The following SAMSN1 variants were observed in gnomAD, a reference collection of about 807,000 sequenced individuals.
SAMSN1 encodes the protein SAM domain-containing protein SAMSN-1.
In SAMSN1, 31 loss-of-function variants were observed where a neutral mutation model predicts 42.0. The ratio of observed to expected loss-of-function variants is 0.74; its 90% CI spans 0.55 to 1.00. The LOEUF (loss-of-function observed/expected upper bound fraction) is 1.00, where lower values mean the gene tolerates loss of function less well. Ranked by LOEUF, SAMSN1 falls within the 50% of genes least tolerant of loss-of-function variation. The pLI is 0.00. For synonymous variants in SAMSN1, 178 were observed against 151.9 expected, an observed-to-expected ratio of 1.17 and a Z score of -1.26; for missense variants, 464 against 439.4, an observed-to-expected ratio of 1.06 and a Z score of -0.50.
intron 2 of SAMSN1, among the ~76,000 whole-genome samples, chr21:14,555,083 T>C (rs1180261220): frequency 6.6e-6 from 1 of 152,182 alleles, no homozygotes; most frequent in Non-Finnish European, 1.5e-5. Flanking sequence ...GATACTAACC[T>C]TTCCATGCCC....
At chr21:14,491,706 T>C (rs1300520313) in intron 7 of SAMSN1, among the ~76,000 whole-genome samples, 2 of 152,208 alleles carry the variant, frequency 1.3e-5, no homozygotes, top group African/African-American at 4.8e-5. Context: ...CCATGAAGCC[T>C]CCCTTGTCAC....
exon 6 of SAMSN1, chr21:14,602,071 G>T (rs1329882103): frequency 1.4e-6 from 1 of 691,666 alleles, no homozygotes; most frequent in Non-Finnish European, 2.7e-6. Flanking sequence ...TATGTATGTT[G>T]TTACTTAGAA....
intron 5 of SAMSN1, among the ~76,000 whole-genome samples, chr21:14,605,849 TTTA>T (rs899513021): frequency 8.7e-5 from 13 of 150,006 alleles, no homozygotes; most frequent in African/African-American, 2.0e-4. Flanking sequence ...TATTTATTTA[TTTA>T]TTTTTTTGAG....
chr21:14,544,719 T>C (rs1187391266), intron 1 of SAMSN1, among the ~76,000 whole-genome samples: 1 of 152,188 alleles, frequency 6.6e-6, no homozygotes, highest in Non-Finnish European at 1.5e-5. Flanking sequence ...TGTATTATAA[T>C]AGTTACTGCT....
At chr21:14,602,370 T>C (rs1012822306) in intron 5 of SAMSN1, among the ~76,000 whole-genome samples, 1 of 152,128 alleles carries the variant, frequency 6.6e-6, no homozygotes, top group African/African-American at 2.4e-5. Context: ...CTCCCTTTCT[T>C]GGTAATAATA....
chr21:14,548,773 A>T (rs1035669296), upstream of SAMSN1, among the ~76,000 whole-genome samples: 1 of 152,026 alleles, frequency 6.6e-6, no homozygotes, highest in Non-Finnish European at 1.5e-5. Context: ...CTACTATTTT[A>T]TGGTATTTGG....
At position 14,631,679 on chromosome 21, in the gene SAMSN1, TATA is replaced by T. The variant is rs1345592244; in HGVS notation, c.156+11320_156+11322del. ...CATGCCCCACCCAAGATGGGATTTT[TATA>T]ATGTTTGTTTGACTTCCTCCCCCCA... On this transcript the variant is annotated intron_variant, in intron 2 of 15. Transcript: ENST00000647101. Among the ~76,000 whole-genome samples, 4 of 152,336 alleles carry T rather than the reference TATA, an allele frequency of 2.6e-5. No homozygotes were observed. In the East Asian group the frequency reaches 7.7e-4, roughly 29 times the overall value.
At position 14,658,644 on chromosome 21, in the gene SAMSN1, A is replaced by G. The variant is rs564514142; in HGVS notation, c.24+104T>C. 5.9e-5 allele frequency: 40 copies of G among 673,672 alleles called. No individual in the cohort carries two copies. In the Admixed American group the frequency reaches 6.3e-4, roughly 11 times the overall value. 41.7% of individuals were successfully genotyped at this position (673,672 alleles called of 1,614,324 possible). ...GTGAACTTTCTGAGATGCTAAGTGTATGAATATCATCACATAAGAAGTTTA... is the reference window on the plus strand; with the variant it reads ...GTGAACTTTCTGAGATGCTAAGTGTGTGAATATCATCACATAAGAAGTTTA... On this transcript the variant is annotated intron_variant, in intron 1 of 15. Coordinates refer to the SAMSN1 transcript ENST00000647101.
At chr21:14,510,153 A>T (rs1423433213) in intron 5 of SAMSN1, among the ~76,000 whole-genome samples, 157 bp downstream of exon 5, 2 of 152,020 alleles carry the variant, frequency 1.3e-5, no homozygotes, top group Non-Finnish European at 2.9e-5. Flanking sequence ...AGAAAAAAAA[A>T]AAAGAAAAAA....
chr21:14,515,222 G>A (rs1987857572), intron 3 of SAMSN1, among the ~76,000 whole-genome samples: 1 of 152,144 alleles, frequency 6.6e-6, no homozygotes, highest in African/African-American at 2.4e-5. Flanking sequence ...ATGGAGTACT[G>A]GAGACAGAGC....
chr21:14,582,443 G>A (rs1981769816), exon 2 of SAMSN1: 12 of 1,520,154 alleles, frequency 7.9e-6, no homozygotes, highest in Admixed American at 2.0e-5. Flanking sequence ...CTTTTCTCGG[G>A]ACTTGGTTAA....
In SAMSN1 at chr21:14,494,387, A is replaced by G. The variant is rs143849365; in HGVS notation, c.919+4055T>C. Among the ~76,000 whole-genome samples the G allele has an allele frequency of 9.8e-5, 15 of 152,368 alleles. No homozygotes were observed. The South Asian group carries it at 3.1e-3, about 32-fold the overall frequency. ...ATGGAATACTACGCAGCCATAAAAA[A>G]GGATGAGTTTATGTCCTTTACAGGG... On this transcript the variant is annotated intron_variant, in intron 7 of 7. Transcript: ENST00000400566.
chr21:14,544,529 T>C (rs1980261860), intron 1 of SAMSN1, among the ~76,000 whole-genome samples: 1 of 152,188 alleles, frequency 6.6e-6, no homozygotes, highest in Admixed American at 6.5e-5. Context: ...TATATTCACA[T>C]CTCTTTAAAT....
intron 2 of SAMSN1, among the ~76,000 whole-genome samples, chr21:14,560,259 T>C (rs1712611278): frequency 6.6e-6 from 1 of 152,190 alleles, no homozygotes; most frequent in Non-Finnish European, 1.5e-5. Context: ...GGGCATATTC[T>C]AGCAATGGGC....
chr21:14,566,633 G>A (rs570153810), intron 2 of SAMSN1, among the ~76,000 whole-genome samples: 1 of 152,152 alleles, frequency 6.6e-6, no homozygotes, highest in South Asian at 2.1e-4. Flanking sequence ...TGCCTCCCGG[G>A]TTCAAGCTAT....
At chr21:14,486,234 G>T in intron 7 of SAMSN1, 120 bp from the exon 8 acceptor site, 1 of 665,056 alleles carries the variant, frequency 1.5e-6, no homozygotes, top group Admixed American at 2.7e-5. Flanking sequence ...CATTACAATG[G>T]AAAGTTCTGC....
upstream of SAMSN1, among the ~76,000 whole-genome samples, chr21:14,586,794 G>C (rs1239095833): frequency 6.6e-6 from 1 of 152,186 alleles, no homozygotes; most frequent in African/African-American, 2.4e-5. Context: ...AGAGGGTTTA[G>C]AATTCAGCAG....
chr21:14,640,070 C>G (rs1217457615), intron 2 of SAMSN1, among the ~76,000 whole-genome samples: 1 of 152,198 alleles, frequency 6.6e-6, no homozygotes, highest in African/African-American at 2.4e-5. Context: ...ATGAACTACA[C>G]TGGATCATCT....
chr21:14,556,070 A>C (rs1447653020), intron 2 of SAMSN1, among the ~76,000 whole-genome samples: 1 of 152,186 alleles, frequency 6.6e-6, no homozygotes, highest in African/African-American at 2.4e-5. Context: ...CATGGAAGAG[A>C]TATATATGAG....
Sources: allele counts gnomAD v4.1 joint callset (sites outside exome capture counted in the v4.1 genomes callset), GRCh38; gene constraint gnomAD v4.1.1; transcripts MANE v1.5; gene names NCBI Gene and HGNC (gene_info 2026-07-23, HGNC 2026-07-21).